Variants in RBFOX1 observed in about 807,000 individuals in gnomAD.
RBFOX1 encodes RNA binding protein fox-1 homolog 1.
Under a neutral mutation model 57.7 loss-of-function variants are expected in RBFOX1, and 8 were observed. The observed-to-expected ratio is 0.14, with a 90% CI of 0.08 to 0.25. RBFOX1 has a LOEUF of 0.25. RBFOX1 is among the 10% of genes least tolerant of loss of function. RBFOX1 has a pLI of 1.00. For missense variants in RBFOX1, 611 were observed against 548.5 expected, an observed-to-expected ratio of 1.11 and a Z score of -1.14; for synonymous variants, 326 against 222.4, an observed-to-expected ratio of 1.47 and a Z score of -4.15.
At chr16:6,455,926 T>TAAGA (rs2094760512) in intron 2 of RBFOX1, among the ~76,000 whole-genome samples, 1 of 152,124 alleles carries the variant, frequency 6.6e-6, no homozygotes, top group Non-Finnish European at 1.5e-5. Context: ...ACAGAAATCT[T>TAAGA]AAGATTTCAT....
intron 1 of RBFOX1, among the ~76,000 whole-genome samples, chr16:5,376,348 T>G (rs983101235): frequency 1.3e-5 from 2 of 151,866 alleles, no homozygotes; most frequent in South Asian, 4.2e-4. Context: ...CAGGTGGTTG[T>G]TTGTTGGGAC....
chr16:7,089,502 G>C (rs1157035745), intron 4 of RBFOX1, among the ~76,000 whole-genome samples: 1 of 152,004 alleles, frequency 6.6e-6, no homozygotes, highest in Non-Finnish European at 1.5e-5. Context: ...CTTTTATTTT[G>C]TGAACAGATT....
chr16:6,199,167 C>T (rs1321078193), intron 1 of RBFOX1, among the ~76,000 whole-genome samples: 2 of 152,078 alleles, frequency 1.3e-5, no homozygotes, highest in African/African-American at 4.8e-5. Flanking sequence ...AACAAAGTTT[C>T]ATCACAGATC....
chr16:7,238,705 C>A (rs1013823023), intron 4 of RBFOX1, among the ~76,000 whole-genome samples: 2 of 152,134 alleles, frequency 1.3e-5, no homozygotes, highest in Non-Finnish European at 2.9e-5. Context: ...ACTTGTGTGT[C>A]ATGGGGGTTT....
At chr16:7,046,765 C>A (rs1462722355) in intron 3 of RBFOX1, among the ~76,000 whole-genome samples, 1 of 151,740 alleles carries the variant, frequency 6.6e-6, no homozygotes, top group Admixed American at 6.6e-5. Context: ...GCCATCATGC[C>A]CAGCTAATTT....
intron 2 of RBFOX1, chr16:6,483,632 G>A (rs941204441): frequency 4.3e-6 from 6 of 1,382,290 alleles, no homozygotes; most frequent in Non-Finnish European, 5.7e-6. Flanking sequence ...AGACCAGGCA[G>A]CTTCTGCAGA....
intron 7 of RBFOX1, among the ~76,000 whole-genome samples, chr16:7,592,216 A>G (rs2094478596): frequency 6.6e-6 from 1 of 152,206 alleles, no homozygotes; most frequent in African/African-American, 2.4e-5. Context: ...GTTTCGCAGA[A>G]AAACAATGAG....
chr16:7,131,366 A>T (rs868557346), intron 4 of RBFOX1, among the ~76,000 whole-genome samples: 18 of 129,044 alleles, frequency 1.4e-4, no homozygotes, highest in African/African-American at 5.1e-4. Context: ...TTTTTTTTTA[A>T]AAAAAAAAAA....
In RBFOX1 at chr16:5,599,071, C is replaced by G. The variant is rs369190245; in HGVS notation, c.428C>G (p.Thr143Ser). The stretch of plus-strand genomic sequence containing the variant: ...CACCGGGAATGGTTTTTACCTGAAA[C>G]TGATCTTGCTGGAGAATTAACTGGG... Residue 143 changes from threonine to serine, a missense_variant, in exon 3 of 3, where the codon ACT becomes AGT. By Grantham distance (58) the Thr-to-Ser change is moderately conservative. Coordinates refer to the RBFOX1 transcript ENST00000585867. 1.8e-5 allele frequency: 18 copies of G among 990,338 alleles called. No individual in the cohort carries two copies. In the African/African-American group the frequency reaches 2.7e-4, roughly 15 times the overall value. 61.3% of individuals were successfully genotyped at this position (990,338 alleles called of 1,614,324 possible). A position where few individuals can be genotyped will look rare whatever the true frequency, so the allele number is the denominator to read the frequency against.
At chr16:5,264,373 C>T (rs1350466575) in intron 1 of RBFOX1, among the ~76,000 whole-genome samples, 2 of 152,132 alleles carry the variant, frequency 1.3e-5, no homozygotes, top group African/African-American at 2.4e-5. Flanking sequence ...GTGCTCTGTT[C>T]TTGGGGCCGT....
At chr16:5,778,544 T>A (rs1280154229) in intron 3 of RBFOX1, among the ~76,000 whole-genome samples, 1 of 152,206 alleles carries the variant, frequency 6.6e-6, no homozygotes, top group Non-Finnish European at 1.5e-5. Context: ...CAGTGCCTGC[T>A]GGTTCAACCT....
At chr16:5,626,180 T>A (rs779237001) in intron 3 of RBFOX1, among the ~76,000 whole-genome samples, 3 of 152,210 alleles carry the variant, frequency 2.0e-5, no homozygotes, top group Non-Finnish European at 4.4e-5. Context: ...ACACCTGACC[T>A]CTTTAATATT....
intron 1 of RBFOX1, among the ~76,000 whole-genome samples, chr16:6,243,747 G>C (rs1346092075): frequency 6.6e-6 from 1 of 152,154 alleles, no homozygotes; most frequent in Middle Eastern, 3.2e-3. Flanking sequence ...GAAATTGCTG[G>C]GGGCCCTAGC....
At chr16:6,395,908 T>C (rs969090793) in intron 2 of RBFOX1, among the ~76,000 whole-genome samples, 1 of 151,418 alleles carries the variant, frequency 6.6e-6, no homozygotes, top group Non-Finnish European at 1.5e-5. Flanking sequence ...TCTGCTAAAA[T>C]ACAAAAAATT....
intron 2 of RBFOX1, among the ~76,000 whole-genome samples, chr16:6,453,408 C>A (rs1031101731): frequency 1.3e-5 from 2 of 152,016 alleles, no homozygotes; most frequent in African/African-American, 4.8e-5. Context: ...TGATGGTCTA[C>A]GCAAATAAAC....
chr16:5,301,437 G>A (rs1312972085), intron 1 of RBFOX1, among the ~76,000 whole-genome samples: 1 of 151,966 alleles, frequency 6.6e-6, no homozygotes, highest in Non-Finnish European at 1.5e-5. Context: ...GGCTAACACG[G>A]TGAAACCCCA....
At chr16:7,182,974 A>G (rs2083020622) in intron 4 of RBFOX1, among the ~76,000 whole-genome samples, 1 of 152,204 alleles carries the variant, frequency 6.6e-6, no homozygotes, top group South Asian at 2.1e-4. Context: ...CCACACTGGA[A>G]TCTAAGCTTC....
intron 2 of RBFOX1, among the ~76,000 whole-genome samples, chr16:5,555,731 C>G (rs760226037): frequency 2.6e-5 from 4 of 151,692 alleles, no homozygotes; most frequent in African/African-American, 4.8e-5. Flanking sequence ...TTGAAAGACC[C>G]TCTCCCTCGG....
At chr16:5,379,476 A>G (rs868460914) in intron 1 of RBFOX1, among the ~76,000 whole-genome samples, 3 of 147,284 alleles carry the variant, frequency 2.0e-5, no homozygotes, top group South Asian at 4.2e-4. Flanking sequence ...TCTCTGAATG[A>G]CACAGTCATT....
Sources: allele counts gnomAD v4.1 joint callset (sites outside exome capture counted in the v4.1 genomes callset), GRCh38; gene constraint gnomAD v4.1.1; transcripts MANE v1.5; gene names NCBI Gene and HGNC (gene_info 2026-07-23, HGNC 2026-07-21).